The following FGGY variants were observed in gnomAD, a reference collection of about 807,000 sequenced individuals.
The protein encoded by FGGY is FGGY carbohydrate kinase domain containing.
Under a neutral mutation model 71.3 loss-of-function variants are expected in FGGY, and 72 were observed. That is an observed-to-expected ratio of 1.01 (90% confidence interval 0.84 to 1.23). FGGY has a LOEUF of 1.23. FGGY is among the 50% of genes most tolerant of loss of function. The pLI, the probability that FGGY is intolerant of heterozygous loss-of-function variation, is 0.00. For missense variants in FGGY, 668 were observed against 682.3 expected (o/e 0.98, Z 0.23); for synonymous variants, 251 against 250.3 (o/e 1.00, Z -0.02).
intron 4 of FGGY, among the ~76,000 whole-genome samples, chr1:59,355,273 G>A (rs1420671350): frequency 1.3e-5 from 2 of 152,042 alleles, no homozygotes; most frequent in Non-Finnish European, 1.5e-5. Flanking sequence ...ACAACGTGCA[G>A]GTTTGTTACA....
intron 6 of FGGY, among the ~76,000 whole-genome samples, chr1:59,482,634 G>GTGTATATATATATATA (rs144699610): frequency 2.8e-4 from 42 of 147,542 alleles, no homozygotes; most frequent in African/African-American, 1.0e-3. Flanking sequence ...GTGTCTGTGT[G>GTGTATATATATATATA]TATATATATA....
chr1:59,533,765 A>C (rs1318730456), intron 7 of FGGY, among the ~76,000 whole-genome samples: 2 of 152,244 alleles, frequency 1.3e-5, no homozygotes, highest in East Asian at 3.8e-4. Context: ...CCTGCAGCTG[A>C]GGGTCCTGTC....
At chr1:59,729,114 A>G (rs2097990109) in intron 14 of FGGY, among the ~76,000 whole-genome samples, 1 of 151,908 alleles carries the variant, frequency 6.6e-6, no homozygotes. Flanking sequence ...TAACTGATGT[A>G]TCTTCAAATT....
chr1:59,389,160 C>G (rs1028644781), intron 5 of FGGY, among the ~76,000 whole-genome samples: 3 of 152,116 alleles, frequency 2.0e-5, no homozygotes, highest in African/African-American at 7.2e-5. Context: ...ATTGGTTAGG[C>G]AGGTCTTGAA....
At chr1:59,372,438 G>C (rs2057836995) in intron 4 of FGGY, among the ~76,000 whole-genome samples, 1 of 152,104 alleles carries the variant, frequency 6.6e-6, no homozygotes, top group South Asian at 2.1e-4. Flanking sequence ...ACCAAAAAGA[G>C]TCCAGGACCA....
chr1:59,711,239 A>G (rs373005448), intron 14 of FGGY, among the ~76,000 whole-genome samples: 188 of 152,262 alleles, frequency 1.2e-3, no homozygotes, highest in African/African-American at 4.4e-3. Flanking sequence ...GTAGTTGAAC[A>G]ATGAGAACAT....
chr1:59,464,658 A>G (rs1416736359), intron 6 of FGGY, among the ~76,000 whole-genome samples: 1 of 152,202 alleles, frequency 6.6e-6, no homozygotes, highest in African/African-American at 2.4e-5. Flanking sequence ...AGAAGAATCA[A>G]ATAGATGCAA....
At chr1:59,547,914 TTCA>T (rs1389543764) in intron 7 of FGGY, among the ~76,000 whole-genome samples, 2 of 152,246 alleles carry the variant, frequency 1.3e-5, no homozygotes, top group Non-Finnish European at 2.9e-5. Flanking sequence ...CATTCATTCA[TTCA>T]TCAACAATAA....
chr1:59,730,092 C>T (rs539817103), intron 14 of FGGY, among the ~76,000 whole-genome samples: 1 of 152,228 alleles, frequency 6.6e-6, no homozygotes, highest in East Asian at 1.9e-4. Context: ...AGGAGTTGCT[C>T]GCTTTCCTAT....
At chr1:59,380,971 G>A (rs1178076653) in intron 5 of FGGY, among the ~76,000 whole-genome samples, 3 of 152,110 alleles carry the variant, frequency 2.0e-5, no homozygotes, top group South Asian at 2.1e-4. Flanking sequence ...TTTTTGTATA[G>A]GGTGTAAGGA....
chr1:59,497,582 C>T (rs768209440), intron 6 of FGGY, among the ~76,000 whole-genome samples: 8 of 152,138 alleles, frequency 5.3e-5, no homozygotes, highest in Non-Finnish European at 8.8e-5. Context: ...AGCCAGACTC[C>T]GTCTCAAACA....
intron 8 of FGGY, among the ~76,000 whole-genome samples, chr1:59,580,396 G>A (rs1271155320): frequency 6.6e-6 from 1 of 151,914 alleles, no homozygotes; most frequent in Non-Finnish European, 1.5e-5. Context: ...CCCCCGCCTT[G>A]TTACACCCCA....
At chr1:59,692,203 G>A (rs1284537340) in intron 14 of FGGY, among the ~76,000 whole-genome samples, 2 of 152,106 alleles carry the variant, frequency 1.3e-5, no homozygotes, top group Admixed American at 1.3e-4. Context: ...TAAATGACCC[G>A]GACTTCCAAC....
At chr1:59,670,482 G>C (rs2097367985) in intron 13 of FGGY, among the ~76,000 whole-genome samples, 1 of 152,182 alleles carries the variant, frequency 6.6e-6, no homozygotes, top group Non-Finnish European at 1.5e-5. Context: ...AAGCAGATCA[G>C]CTCTGTGACT....
At chr1:59,496,236 T>C (rs1455699783) in intron 6 of FGGY, among the ~76,000 whole-genome samples, 1 of 152,208 alleles carries the variant, frequency 6.6e-6, no homozygotes, top group African/African-American at 2.4e-5. Flanking sequence ...TTTTTATTTT[T>C]TGTGTCACTA....
chr1:59,371,346 G>A (rs547428100), intron 4 of FGGY, among the ~76,000 whole-genome samples: 172 of 152,078 alleles, frequency 1.1e-3, no homozygotes, highest in African/African-American at 4.0e-3. Context: ...CAATTCAACA[G>A]GAAGAGCTAA....
chr1:59,493,732 ATG>A (rs1243354731), intron 6 of FGGY, among the ~76,000 whole-genome samples: 3 of 152,194 alleles, frequency 2.0e-5, no homozygotes, highest in Non-Finnish European at 4.4e-5. Context: ...TGATTTCATG[ATG>A]TGTGAATGTA....
rs1337654376 is a variant in FGGY at position 59,668,830 on chromosome 1, A to G, written c.1417+1427A>G. ...AAACCCCATCTCTACTAAAAATACA[A>G]AAAAAAAAAAATTAGCCAGGCGTGG... On this transcript the variant is annotated intron_variant, in intron 13 of 15. Coordinates refer to ENST00000303721, the MANE Select transcript of FGGY (RefSeq NM_018291.5). 2.0e-5 allele frequency among the ~76,000 whole-genome samples: 3 copies of G among 147,688 alleles called. No homozygotes were observed. The East Asian group carries it at 5.9e-4, about 29-fold the overall frequency.
At chr1:59,526,818 G>T (rs963399892) in intron 7 of FGGY, among the ~76,000 whole-genome samples, 1 of 152,282 alleles carries the variant, frequency 6.6e-6, no homozygotes, top group South Asian at 2.1e-4. Flanking sequence ...AGACTGCCTG[G>T]GTTCAAACCC....
Sources: gnomAD v4.1 joint callset for allele counts (sites outside exome capture counted in the v4.1 genomes callset) on GRCh38, gnomAD v4.1.1 for gene constraint, MANE v1.5 for transcripts, NCBI Gene and HGNC (gene_info 2026-07-23, HGNC 2026-07-21) for gene names.